Variants in WDR41 observed in about 807,000 individuals in gnomAD.
The protein encoded by WDR41 is WD repeat-containing protein 41.
Under a neutral mutation model 69.3 loss-of-function variants are expected in WDR41, and 63 were observed. That is an observed-to-expected ratio of 0.91 (90% CI 0.74 to 1.12). The LOEUF (loss-of-function observed/expected upper bound fraction) is 1.12, where lower values mean the gene tolerates loss of function less well. Among genes scored for constraint, WDR41 ranks in the 50% most tolerant of loss-of-function variants. The pLI, the probability that WDR41 is intolerant of heterozygous loss-of-function variation, is 0.00. For synonymous variants in WDR41, 185 were observed against 192.1 expected, an observed-to-expected ratio of 0.96 and a Z score of 0.31; for missense variants, 543 against 534.5, an observed-to-expected ratio of 1.02 and a Z score of -0.16.
intron 1 of WDR41, among the ~76,000 whole-genome samples, chr5:77,610,227 C>G (rs1033251715): frequency 5.9e-5 from 9 of 152,322 alleles, no homozygotes; most frequent in African/African-American, 1.7e-4. Context: ...AGTTGGAAAA[C>G]ACTGCAGGAT....
intron 1 of WDR41, among the ~76,000 whole-genome samples, chr5:77,575,243 A>G (rs1235143103): frequency 6.6e-6 from 1 of 152,236 alleles, no homozygotes; most frequent in Non-Finnish European, 1.5e-5. Context: ...GAAAAAGAGG[A>G]AAAGAATAAG....
chr5:77,549,513 G>A (rs929696047), intron 1 of WDR41, among the ~76,000 whole-genome samples: 4 of 151,538 alleles, frequency 2.6e-5, no homozygotes, highest in Non-Finnish European at 5.9e-5. Flanking sequence ...TACAATAGCC[G>A]CTCCAAAAAA....
intron 5 of WDR41, among the ~76,000 whole-genome samples, chr5:77,454,886 T>C (rs6898475): frequency 0.054 from 8,199 of 152,358 alleles, 703 homozygotes; most frequent in African/African-American, 0.18. Flanking sequence ...ACTGTGTGGA[T>C]ATACATTGTG....
chr5:77,589,560 G>C (rs545940452), intron 1 of WDR41, among the ~76,000 whole-genome samples: 1 of 152,140 alleles, frequency 6.6e-6, no homozygotes, highest in South Asian at 2.1e-4. Context: ...GAAATATTTT[G>C]GAGTTTTCTC....
chr5:77,559,907 C>T (rs1430953833), intron 1 of WDR41, among the ~76,000 whole-genome samples: 3 of 152,016 alleles, frequency 2.0e-5, no homozygotes, highest in African/African-American at 7.2e-5. Context: ...GGATTCCTAA[C>T]AAAGTCATCT....
intron 1 of WDR41, among the ~76,000 whole-genome samples, chr5:77,539,473 T>C (rs1743049610): frequency 6.6e-6 from 1 of 152,146 alleles, no homozygotes; most frequent in South Asian, 2.1e-4. Flanking sequence ...ATTCTGCCTT[T>C]CTAATGAGCT....
chr5:77,431,190 A>C lies in WDR41; in HGVS notation c.*1945T>G, dbSNP rs573912819. The stretch of plus-strand genomic sequence containing the variant: ...TTAAATAGTATTACATGTTACAGAG[A>C]TCTCATTTGTGAAAGGAAGTCAATT... On this transcript the variant is annotated 3_prime_UTR_variant, in exon 13 of 13. Transcript: ENST00000296679. 1 of 152,326 alleles carries C rather than the reference A, an allele frequency of 6.6e-6. No homozygotes were observed. The highest frequency in any genetic ancestry group is 2.1e-4 in the South Asian group (1 of 4,834). 9.4% of individuals were successfully genotyped at this position (152,326 alleles called of 1,614,324 possible).
intron 1 of WDR41, among the ~76,000 whole-genome samples, chr5:77,541,343 A>G (rs1213677697): frequency 6.6e-6 from 1 of 152,152 alleles, no homozygotes; most frequent in Non-Finnish European, 1.5e-5. Flanking sequence ...GTCAACAAAC[A>G]TGAAAAAAAG....
chr5:77,528,552 A>G (rs1802481516), intron 1 of WDR41, among the ~76,000 whole-genome samples: 1 of 151,784 alleles, frequency 6.6e-6, no homozygotes. Flanking sequence ...TAAGCTTAAT[A>G]GCAAAGCCTG....
intron 3 of WDR41, 41 bp downstream of exon 3, chr5:77,464,720 T>A (rs1334445550): frequency 6.3e-7 from 1 of 1,594,314 alleles, no homozygotes; most frequent in Non-Finnish European, 8.6e-7. Flanking sequence ...AACTACATCA[T>A]CATATCTTTA....
At chr5:77,466,853 A>G (rs1346462821) in intron 2 of WDR41, among the ~76,000 whole-genome samples, 2 of 149,226 alleles carry the variant, frequency 1.3e-5, no homozygotes, top group Non-Finnish European at 3.0e-5. Flanking sequence ...TACCTCCCCT[A>G]AAGAGGAAAC....
intron 1 of WDR41, among the ~76,000 whole-genome samples, chr5:77,517,642 A>ATATATATATATATATG (rs1802310586): frequency 1.3e-5 from 1 of 75,944 alleles, no homozygotes; most frequent in African/African-American, 3.9e-5. Flanking sequence ...ATATATATAT[A>ATATATATATATATATG]TATATATATA....
At chr5:77,526,626 C>T (rs1802450827) in intron 1 of WDR41, among the ~76,000 whole-genome samples, 1 of 152,090 alleles carries the variant, frequency 6.6e-6, no homozygotes, top group Admixed American at 6.6e-5. Flanking sequence ...ATTTTTAACA[C>T]TTCAATGATT....
At position 77,442,615 on chromosome 5, in the gene WDR41, G is replaced by A. The variant is rs193141287; in HGVS notation, c.698-1618C>T. 2.0e-3 allele frequency among the ~76,000 whole-genome samples: 297 copies of A among 151,740 alleles called. 2 individuals carry two copies. Among genetic ancestry groups the A allele is most frequent in the African/African-American group, 6.4e-3 (267 of 41,400 alleles). ...GTTTTTAAAACCTTTAAAAAAAGCC[G>A]GGTGCGGTGGCTCACACCTGTAATC... On this transcript the variant is annotated intron_variant, in intron 8 of 12. Transcript: ENST00000296679.
intron 1 of WDR41, among the ~76,000 whole-genome samples, chr5:77,555,507 G>A (rs1224371469): frequency 2.0e-5 from 3 of 151,996 alleles, no homozygotes; most frequent in Non-Finnish European, 4.4e-5. Flanking sequence ...GCAAGGTCTC[G>A]CTATGTTGTC....
chr5:77,612,629 T>G (rs1312435660), intron 1 of WDR41, among the ~76,000 whole-genome samples: 1 of 152,224 alleles, frequency 6.6e-6, no homozygotes, highest in Admixed American at 6.5e-5. Context: ...AATTAGGTAT[T>G]GATGGGACAT....
rs578236628 is a variant in WDR41 at position 77,556,307 on chromosome 5, G to T, written c.42+64172C>A. Reference sequence around the variant, plus strand: ...TTTAGTAGACATGGGGTTTCACCATGTTGGCTAGGCTGGTCTAGAACTCCT... The same window carrying T: ...TTTAGTAGACATGGGGTTTCACCATTTTGGCTAGGCTGGTCTAGAACTCCT... On this transcript the variant is annotated intron_variant, in intron 1 of 5. Transcript: ENST00000509971. Among the ~76,000 whole-genome samples the T allele has an allele frequency of 2.0e-3, 303 of 150,542 alleles. 2 individuals carry two copies. Among genetic ancestry groups the T allele is most frequent in the African/African-American group, 5.2e-3 (211 of 40,762 alleles).
chr5:77,558,094 T>TTA (rs1554036365), intron 1 of WDR41, among the ~76,000 whole-genome samples: 10 of 104,274 alleles, frequency 9.6e-5, no homozygotes, highest in African/African-American at 3.6e-4. Context: ...ATGTTCTTTT[T>TTA]AAAAAAAAAA....
intron 1 of WDR41, among the ~76,000 whole-genome samples, chr5:77,518,130 A>G (rs1802319120): frequency 6.6e-6 from 1 of 152,184 alleles, no homozygotes; most frequent in Non-Finnish European, 1.5e-5. Flanking sequence ...TAAGATTAAC[A>G]AAAAAAGAGA....
Sources: gnomAD v4.1 joint callset for allele counts (sites outside exome capture counted in the v4.1 genomes callset) on GRCh38, gnomAD v4.1.1 for gene constraint, MANE v1.5 for transcripts, NCBI Gene and HGNC (gene_info 2026-07-23, HGNC 2026-07-21) for gene names.